Variants in SUPT3H observed in about 807,000 individuals in gnomAD.
SUPT3H encodes transcription initiation protein SPT3 homolog.
In SUPT3H, 44 loss-of-function variants were observed where a neutral mutation model predicts 44.3. The observed-to-expected ratio is 0.99, with a 90% CI of 0.78 to 1.28. The LOEUF is 1.28. SUPT3H is among the 50% of genes most tolerant of loss of function. SUPT3H has a pLI of 0.00. For synonymous variants in SUPT3H, 124 were observed against 125.6 expected, an observed-to-expected ratio of 0.99 and a Z score of 0.09; for missense variants, 380 against 387.1, an observed-to-expected ratio of 0.98 and a Z score of 0.15.
chr6:45,255,261 G>C (rs1773156207), intron 2 of SUPT3H, among the ~76,000 whole-genome samples: 1 of 152,016 alleles, frequency 6.6e-6, no homozygotes, highest in Admixed American at 6.6e-5. Flanking sequence ...GATAATGGGG[G>C]ACTATGATAT....
intron 2 of SUPT3H, among the ~76,000 whole-genome samples, chr6:45,283,441 A>T (rs4370347): frequency 4.4e-4 from 67 of 152,116 alleles, no homozygotes; most frequent in Middle Eastern, 3.4e-3. Flanking sequence ...CAATCCTAGT[A>T]TCTGATAAAA....
chr6:44,973,134 A>G (rs1037412038), intron 6 of SUPT3H, among the ~76,000 whole-genome samples: 7 of 152,208 alleles, frequency 4.6e-5, no homozygotes, highest in Non-Finnish European at 7.3e-5. Flanking sequence ...CCTTTTAAAC[A>G]TAAGTTCCAA....
At chr6:45,134,557 C>T (rs114609644) in intron 2 of SUPT3H, among the ~76,000 whole-genome samples, 2,664 of 152,264 alleles carry the variant, frequency 0.017, 51 homozygotes, top group South Asian at 0.086. Flanking sequence ...AGGCATGATA[C>T]ATACTGAGGC....
At chr6:44,933,772 T>C (rs1770969227) in intron 9 of SUPT3H, among the ~76,000 whole-genome samples, 1 of 152,154 alleles carries the variant, frequency 6.6e-6, no homozygotes, top group Non-Finnish European at 1.5e-5. Flanking sequence ...GCCTCTGAAG[T>C]AGCTGAGACT....
intron 2 of SUPT3H, among the ~76,000 whole-genome samples, chr6:45,109,691 A>G (rs1205537378): frequency 6.6e-6 from 1 of 152,172 alleles, no homozygotes; most frequent in Non-Finnish European, 1.5e-5. Context: ...AGAAAACTAG[A>G]TATTGTTCTA....
intron 10 of SUPT3H, among the ~76,000 whole-genome samples, chr6:44,862,633 G>A (rs111821419): frequency 1.4e-4 from 21 of 149,410 alleles, no homozygotes; most frequent in African/African-American, 5.2e-4. Context: ...AGCCAAGATT[G>A]CGCCACTGCA....
At chr6:45,238,797 C>T (rs889657573) in intron 2 of SUPT3H, among the ~76,000 whole-genome samples, 2 of 152,048 alleles carry the variant, frequency 1.3e-5, no homozygotes, top group East Asian at 1.9e-4. Flanking sequence ...AATTATTGTC[C>T]CTCTCACGAA....
chr6:45,090,292 TATTA>T lies in SUPT3H; in HGVS notation c.186+15626_186+15629del, dbSNP rs200441671. Among the ~76,000 whole-genome samples, 806 of 152,248 alleles carry T rather than the reference TATTA, an allele frequency of 5.3e-3. 7 individuals carry two copies. The highest frequency in any genetic ancestry group is 0.018 in the African/African-American group (752 of 41,582). On this transcript the variant is annotated intron_variant, in intron 3 of 10. Transcript: ENST00000371459. Reference sequence around the variant, plus strand: ...ACTCAGTGTAAATAAAAGGATAATTTATTAATTACCATTCTCTCTTTTGGAGAAC... The same window carrying T: ...ACTCAGTGTAAATAAAAGGATAATTTATTACCATTCTCTCTTTTGGAGAAC...
chr6:45,250,131 T>C (rs886126281), intron 2 of SUPT3H, among the ~76,000 whole-genome samples: 1 of 152,030 alleles, frequency 6.6e-6, no homozygotes, highest in African/African-American at 2.4e-5. Context: ...GTCTTAAGTA[T>C]GAACAGGCAT....
intron 2 of SUPT3H, among the ~76,000 whole-genome samples, chr6:45,306,848 C>A (rs1369413497): frequency 6.6e-6 from 1 of 152,162 alleles, no homozygotes; most frequent in Non-Finnish European, 1.5e-5. Context: ...ATCGCCTCAC[C>A]CTGGAAGTGC....
intron 2 of SUPT3H, among the ~76,000 whole-genome samples, chr6:45,192,212 A>T (rs114263802): frequency 0.018 from 2,665 of 152,232 alleles, 49 homozygotes; most frequent in South Asian, 0.085. Context: ...TAGTCATCTG[A>T]TGAAAGGAGA....
chr6:45,005,820 C>A (rs1318727579), intron 5 of SUPT3H, among the ~76,000 whole-genome samples: 1 of 151,814 alleles, frequency 6.6e-6, no homozygotes, highest in Non-Finnish European at 1.5e-5. Context: ...TATCAGATAT[C>A]TATTCTTATT....
At chr6:44,866,901 G>C (rs1775593114) in intron 10 of SUPT3H, among the ~76,000 whole-genome samples, 2 of 152,146 alleles carry the variant, frequency 1.3e-5, no homozygotes, top group African/African-American at 4.8e-5. Flanking sequence ...CAGAAGAATA[G>C]CACATTTAGT....
chr6:45,246,375 T>C (rs747212855), intron 2 of SUPT3H, among the ~76,000 whole-genome samples: 4 of 152,186 alleles, frequency 2.6e-5, no homozygotes, highest in African/African-American at 9.7e-5. Flanking sequence ...CTTCACTATG[T>C]TTCCTTTAAG....
intron 2 of SUPT3H, among the ~76,000 whole-genome samples, chr6:45,356,304 T>G (rs1041929377): frequency 2.0e-5 from 3 of 152,094 alleles, no homozygotes; most frequent in African/African-American, 4.8e-5. Flanking sequence ...TTTTTATATA[T>G]TTTAGTATAT....
At chr6:45,311,818 T>C (rs1784005300) in intron 2 of SUPT3H, among the ~76,000 whole-genome samples, 1 of 152,100 alleles carries the variant, frequency 6.6e-6, no homozygotes, top group African/African-American at 2.4e-5. Flanking sequence ...GAGCTCTAAA[T>C]CTTGAAACAA....
intron 2 of SUPT3H, among the ~76,000 whole-genome samples, chr6:45,116,020 A>G (rs994690326): frequency 2.0e-5 from 3 of 152,256 alleles, no homozygotes; most frequent in South Asian, 2.1e-4. Context: ...CCTGAACTCA[A>G]TGCTTCCTGA....
intron 6 of SUPT3H, among the ~76,000 whole-genome samples, chr6:44,966,595 A>G (rs1776812309): frequency 6.6e-6 from 1 of 152,090 alleles, no homozygotes; most frequent in Non-Finnish European, 1.5e-5. Context: ...GGTCCTAAAT[A>G]CCTACCTCTA....
intron 3 of SUPT3H, among the ~76,000 whole-genome samples, chr6:45,056,224 C>T (rs1039818487): frequency 1.3e-5 from 2 of 152,164 alleles, no homozygotes; most frequent in Non-Finnish European, 2.9e-5. Flanking sequence ...CACTTTTACA[C>T]TGCTGGTGGG....
Sources: gnomAD v4.1 joint callset for allele counts (sites outside exome capture counted in the v4.1 genomes callset) on GRCh38, gnomAD v4.1.1 for gene constraint, MANE v1.5 for transcripts, NCBI Gene and HGNC (gene_info 2026-07-23, HGNC 2026-07-21) for gene names.